Variants in TNFSF4 observed in about 807,000 individuals in gnomAD.
TNFSF4 encodes tumor necrosis factor ligand superfamily member 4.
A neutral mutation model predicts 7.3 loss-of-function variants in TNFSF4; 4 were observed. That is an observed-to-expected ratio of 0.55 (90% CI 0.27 to 1.25). TNFSF4 has a LOEUF of 1.25. Among genes scored for constraint, TNFSF4 ranks in the 50% most tolerant of loss-of-function variants. The probability of loss-of-function intolerance (pLI) is 0.12; values close to 1 mark genes in which losing one functional copy is unlikely to be tolerated. For missense variants in TNFSF4, 181 were observed against 208.8 expected, an observed-to-expected ratio of 0.87 and a Z score of 0.82; for synonymous variants, 76 against 83.7, an observed-to-expected ratio of 0.91 and a Z score of 0.50.
the TNFSF4 span, among the ~76,000 whole-genome samples, chr1:173,307,240 G>T: frequency 6.6e-6 from 1 of 151,776 alleles, no homozygotes; most frequent in Non-Finnish European, 1.5e-5. Flanking sequence ...ATTTATGCCA[G>T]GTCCTTTAAG....
the TNFSF4 span, among the ~76,000 whole-genome samples, chr1:173,371,958 G>A: frequency 6.6e-6 from 1 of 152,176 alleles, no homozygotes; most frequent in Non-Finnish European, 1.5e-5. Context: ...CCAAGATCTA[G>A]GCCACTTCTC....
At chr1:173,395,210 C>T in the TNFSF4 span, among the ~76,000 whole-genome samples, 4 of 151,010 alleles carry the variant, frequency 2.6e-5, no homozygotes, top group African/African-American at 9.7e-5. Context: ...CTGGAATTGG[C>T]TCCCTAATTT....
the TNFSF4 span, among the ~76,000 whole-genome samples, chr1:173,307,510 G>GA: frequency 7.3e-5 from 11 of 150,436 alleles, no homozygotes; most frequent in Admixed American, 2.0e-4. Flanking sequence ...TCTGGCTTTG[G>GA]AAAAAAAAAG....
chr1:173,268,497 A>G, the TNFSF4 span, among the ~76,000 whole-genome samples: 1 of 152,112 alleles, frequency 6.6e-6, no homozygotes, highest in Non-Finnish European at 1.5e-5. Context: ...TATACACAGA[A>G]ATACCTAGAG....
At chr1:173,360,383 TC>T in the TNFSF4 span, among the ~76,000 whole-genome samples, 1 of 152,178 alleles carries the variant, frequency 6.6e-6, no homozygotes, top group African/African-American at 2.4e-5. Context: ...TTCAAAAATT[TC>T]CTCCCACTAC....
At chr1:173,349,522 G>A in the TNFSF4 span, among the ~76,000 whole-genome samples, 3 of 152,178 alleles carry the variant, frequency 2.0e-5, no homozygotes, top group Non-Finnish European at 4.4e-5. Flanking sequence ...TAGACAGGCT[G>A]CAGTATTAGT....
chr1:173,341,274 G>A, the TNFSF4 span, among the ~76,000 whole-genome samples: 82 of 152,202 alleles, frequency 5.4e-4, no homozygotes, highest in East Asian at 0.016. Flanking sequence ...ATCTGCTTGG[G>A]ACAAACAGAG....
chr1:173,394,778 C>G, the TNFSF4 span, among the ~76,000 whole-genome samples: 1 of 152,086 alleles, frequency 6.6e-6, no homozygotes, highest in Non-Finnish European at 1.5e-5. Context: ...GGCCTCTGAA[C>G]TTATCCCTTT....
chr1:173,285,356 G>A, the TNFSF4 span, among the ~76,000 whole-genome samples: 9 of 152,016 alleles, frequency 5.9e-5, no homozygotes, highest in African/African-American at 1.9e-4. Flanking sequence ...TTTGAGATGC[G>A]ATCTATTTCT....
chr1:173,345,919 G>A, the TNFSF4 span, among the ~76,000 whole-genome samples: 13 of 152,166 alleles, frequency 8.5e-5, no homozygotes, highest in South Asian at 4.1e-4. Flanking sequence ...GTAAGTCCTA[G>A]GAATGGTTTG....
At chr1:173,337,244 T>C in the TNFSF4 span, among the ~76,000 whole-genome samples, 7 of 152,200 alleles carry the variant, frequency 4.6e-5, no homozygotes, top group African/African-American at 2.4e-5. Flanking sequence ...ACTCTTGGCC[T>C]GCTACTGGCC....
chr1:173,220,878 C>T, the TNFSF4 span, among the ~76,000 whole-genome samples: 1 of 152,102 alleles, frequency 6.6e-6, no homozygotes, highest in Non-Finnish European at 1.5e-5. Flanking sequence ...TGGTTAAATG[C>T]TGTGACCCAC....
chr1:173,358,327 C>T, the TNFSF4 span, among the ~76,000 whole-genome samples: 2 of 152,318 alleles, frequency 1.3e-5, no homozygotes, highest in South Asian at 4.1e-4. Context: ...TCTATCACCC[C>T]ATTTGCCTAA....
At chr1:173,250,023 A>T in the TNFSF4 span, among the ~76,000 whole-genome samples, 1 of 150,994 alleles carries the variant, frequency 6.6e-6, no homozygotes, top group Non-Finnish European at 1.5e-5. Context: ...ACTTAAAATA[A>T]AAAAAAAAGT....
chr1:173,251,228 T>C, the TNFSF4 span, among the ~76,000 whole-genome samples: 9 of 152,216 alleles, frequency 5.9e-5, no homozygotes, highest in African/African-American at 2.2e-4. Context: ...AAAAACAGCT[T>C]TGCTCCCAGA....
chr1:173,371,893 C>A, the TNFSF4 span, among the ~76,000 whole-genome samples: 1 of 152,180 alleles, frequency 6.6e-6, no homozygotes, highest in African/African-American at 2.4e-5. Context: ...CTTACATGGA[C>A]GGTCTTGCCT....
the TNFSF4 span, among the ~76,000 whole-genome samples, chr1:173,399,723 C>T: frequency 1.3e-5 from 2 of 152,078 alleles, no homozygotes; most frequent in Admixed American, 6.5e-5. Flanking sequence ...TCTGTTGATA[C>T]CAGTCAGCCT....
the TNFSF4 span, among the ~76,000 whole-genome samples, chr1:173,393,013 G>T: frequency 1.8e-4 from 28 of 152,116 alleles, no homozygotes; most frequent in Admixed American, 1.8e-3. Context: ...GGTGGGTAGG[G>T]TGGGGGACAA....
chr1:173,300,700 C>T, the TNFSF4 span, among the ~76,000 whole-genome samples: 1 of 151,814 alleles, frequency 6.6e-6, no homozygotes, highest in African/African-American at 2.4e-5. Context: ...ACATAATTTC[C>T]AGTTTTCTAG....
Sources: gnomAD v4.1 joint callset for allele counts (sites outside exome capture counted in the v4.1 genomes callset) on GRCh38, gnomAD v4.1.1 for gene constraint, MANE v1.5 for transcripts, NCBI Gene and HGNC (gene_info 2026-07-23, HGNC 2026-07-21) for gene names.